RHBDF1: variants seen among roughly 807,000 people sequenced by gnomAD.
RHBDF1 encodes rhomboid 5 homolog 1.
Under a neutral mutation model 98.6 loss-of-function variants are expected in RHBDF1, and 80 were observed. The ratio of observed to expected loss-of-function variants is 0.81; its 90% CI spans 0.68 to 0.98. RHBDF1 has a LOEUF of 0.98. Ranked by LOEUF, RHBDF1 falls within the 50% of genes least tolerant of loss-of-function variation. The probability of loss-of-function intolerance (pLI) is 0.00; values close to 1 mark genes in which losing one functional copy is unlikely to be tolerated. For synonymous variants in RHBDF1, 512 were observed against 486.8 expected (o/e 1.05, Z -0.68); for missense variants, 1,116 against 1,198.3 (o/e 0.93, Z 1.01).
Position 62,275 on chromosome 16 carries a change from C to G in RHBDF1, c.954-223G>C. 3 of 718,806 alleles carry G rather than the reference C, an allele frequency of 4.2e-6. No individual in the cohort carries two copies. In the South Asian group the frequency reaches 5.8e-5, roughly 14 times the overall value. The allele number at this position is 718,806 out of a possible 1,614,324, so 44.5% of individuals were successfully genotyped here. A position where few individuals can be genotyped will look rare whatever the true frequency, so the allele number is the denominator to read the frequency against. ...GACTTCTGCAACTCAGCAAGTATCACCTCTGTCACCTCCGCCTCCCCGTTG... is the reference window on the plus strand; with the variant it reads ...GACTTCTGCAACTCAGCAAGTATCAGCTCTGTCACCTCCGCCTCCCCGTTG... On this transcript the variant is annotated intron_variant, in intron 7 of 17. Coordinates refer to ENST00000262316, the MANE Select transcript of RHBDF1 (RefSeq NM_022450.5).
At position 64,769 on chromosome 16, in the gene RHBDF1, A is replaced by T; in HGVS notation, c.178T>A (p.Ser60Thr). The T allele has an allele frequency of 1.2e-6, 2 of 1,613,946 alleles. No homozygotes were observed. Among genetic ancestry groups the T allele is most frequent in the Non-Finnish European group, 1.7e-6 (2 of 1,179,974 alleles). The change falls in exon 3 of 18, where the codon TCT becomes ACT. Residue 60 changes from serine (S) to threonine (T), a missense_variant. Transcript: ENST00000262316. ...CGCCGGAGCTCATGGTGGGGTGAAG[A>T]GATGTGGGCTGTCTCGGCTGGCATA... is the stretch of plus-strand genomic sequence containing the variant. The part of the protein sequence containing the change: ...VSMPAETAHI[S>T]SPHHELRRPV...
At chr16:65,933 A>G (rs1038894178) in intron 1 of RHBDF1, among the ~76,000 whole-genome samples, 1 of 152,228 alleles carries the variant, frequency 6.6e-6, no homozygotes, top group African/African-American at 2.4e-5. Flanking sequence ...CTACCATGAC[A>G]TGCCAGGCAC....
At chr16:64,333 C>T in intron 3 of RHBDF1, 1 of 1,353,672 alleles carries the variant, frequency 7.4e-7, no homozygotes, top group Non-Finnish European at 9.8e-7. Context: ...TATGAGATAC[C>T]TGAGCAGGGA....
At chr16:65,110 G>A in intron 1 of RHBDF1, 71 bp from the exon 2 acceptor site, 1 of 1,457,086 alleles carries the variant, frequency 6.9e-7, no homozygotes, top group Non-Finnish European at 9.1e-7. Context: ...CCAGACCCGG[G>A]AGGAGGGAGA....
chr16:73,675 C>T (rs574196266), upstream of RHBDF1, among the ~76,000 whole-genome samples: 1 of 152,298 alleles, frequency 6.6e-6, no homozygotes, highest in Admixed American at 6.5e-5. Flanking sequence ...GCAGGGATCC[C>T]TTCGTCCCAT....
chr16:58,583 C>T lies in RHBDF1; in HGVS notation c.2325G>A (p.Gly775=), dbSNP rs1333115436. Residue 775 remains glycine (G), a synonymous_variant, in exon 18 of 18, where the codon GGG becomes GGA. Transcript: ENST00000262316. Reference sequence around the variant, plus strand: ...AGGAGAGGAAGAGGCCACTGATGAACCCTGAGATGTGGGCAAAGTTGTCAA... The same window carrying T: ...AGGAGAGGAAGAGGCCACTGATGAATCCTGAGATGTGGGCAAAGTTGTCAA... ...PWIDNFAHIS[G]FISGLFLSFA... 1.9e-6 allele frequency: 3 copies of T among 1,613,864 alleles called. No homozygotes were observed. Among genetic ancestry groups the T allele is most frequent in the South Asian group, 1.1e-5 (1 of 91,088 alleles).
chr16:62,893 C>T lies in RHBDF1; in HGVS notation c.677G>A (p.Arg226His), dbSNP rs142110444. 3.5e-5 allele frequency: 57 copies of T among 1,613,724 alleles called. No homozygotes were observed. In the East Asian group the frequency reaches 4.2e-4, roughly 12 times the overall value. ...FRAAAALMKG[R>H]SVRDGTFRRA... ...GCGAAAGGTGCCATCCCTAACGGAG[C>T]GGCCCTGGGGACGGGGAAGTGAGCA... Residue 226 changes from arginine to histidine, a missense_variant, in exon 6 of 18, where the codon CGC (arginine) becomes CAC (histidine). By Grantham distance (29) the Arg-to-His change is conservative. Coordinates refer to ENST00000262316, the MANE Select transcript of RHBDF1 (RefSeq NM_022450.5).
chr16:74,322 A>G (rs1898046623), upstream of RHBDF1, among the ~76,000 whole-genome samples: 1 of 152,254 alleles, frequency 6.6e-6, no homozygotes, highest in South Asian at 2.1e-4. Flanking sequence ...CTCTCTGGAA[A>G]GCTGGGGACT....
At chr16:69,056 C>T (rs1179717455) in intron 1 of RHBDF1, among the ~76,000 whole-genome samples, 1 of 152,100 alleles carries the variant, frequency 6.6e-6, no homozygotes, top group Non-Finnish European at 1.5e-5. Context: ...GGTGGTGTAG[C>T]CTGTGGGTAC....
chr16:68,272 C>T (rs1004747666), intron 1 of RHBDF1, among the ~76,000 whole-genome samples: 3 of 152,226 alleles, frequency 2.0e-5, no homozygotes, highest in Admixed American at 1.3e-4. Context: ...TCTGCCCCAC[C>T]CCTGTGTGCC....
chr16:75,126 C>G (rs966684108), upstream of RHBDF1, among the ~76,000 whole-genome samples: 83 of 152,256 alleles, frequency 5.5e-4, no homozygotes, highest in African/African-American at 2.0e-3. Context: ...GGAGGAGCCC[C>G]CTATACGGAA....
upstream of RHBDF1, among the ~76,000 whole-genome samples, chr16:75,856 A>C (rs1325524955): frequency 6.6e-6 from 1 of 152,012 alleles, no homozygotes; most frequent in Non-Finnish European, 1.5e-5. Flanking sequence ...CCTGACACCC[A>C]CCTCAACAGC....
Position 63,657 on chromosome 16 carries a change from T to C in RHBDF1, c.392A>G (p.Asn131Ser), listed in dbSNP as rs1224362040. ...CGTCTCGGTGCTGGTCAGCGACACG[T>C]TGTCCTGGCTGGGCAGGTCCAGCTC... ...LRELDLPSQD[N>S]VSLTSTETPP... The change falls in exon 4 of 18, where the codon AAC (asparagine) becomes AGC (serine). Residue 131 changes from asparagine (N) to serine (S), a missense_variant. Asn to Ser is a conservative substitution (Grantham distance 46). Transcript: ENST00000262316. 3 of 1,609,622 alleles carry C rather than the reference T, an allele frequency of 1.9e-6. No homozygotes were observed. The highest frequency in any genetic ancestry group is 2.7e-5 in the African/African-American group (2 of 74,578).
rs1897700409 is a variant in RHBDF1, at chr16:63,018, C to T, written c.627G>A (p.Glu209=). Reference sequence around the variant, plus strand: ...CCCGGAAGCTCATCTTGGCCACCGACTCTCGCTTGCGCCGCCGCGGGAGCC... The same window carrying T: ...CCCGGAAGCTCATCTTGGCCACCGATTCTCGCTTGCGCCGCCGCGGGAGCC... ...FHRLPRRRKR[E]SVAKMSFRAA... is the part of the protein sequence containing the mutation. The change falls in exon 5 of 18, where the codon GAG becomes GAA. Residue 209 remains glutamate (E), a synonymous_variant. Transcript: ENST00000262316. The T allele has an allele frequency of 6.2e-7, 1 of 1,612,126 alleles. No individual in the cohort carries two copies. The highest frequency in any genetic ancestry group is 1.3e-5 in the African/African-American group (1 of 74,938).
At chr16:76,244 T>A (rs1567121426), upstream of RHBDF1, 1 of 152,190 alleles carries the variant, frequency 6.6e-6, no homozygotes, top group African/African-American at 2.4e-5. Flanking sequence ...CCAGGCCCCC[T>A]CCTCTCACCT....
chr16:75,580 C>T (rs12929271), upstream of RHBDF1, among the ~76,000 whole-genome samples: 1 of 152,180 alleles, frequency 6.6e-6, no homozygotes, highest in Non-Finnish European at 1.5e-5. Flanking sequence ...GAGGCAGCTG[C>T]CCCCTCCCCA....
At chr16:76,109 T>C (rs1259026737), upstream of RHBDF1, 2 of 152,302 alleles carry the variant, frequency 1.3e-5, no homozygotes, top group Non-Finnish European at 2.9e-5. Flanking sequence ...CCAGCACCAA[T>C]ACTAGCCTTC....
At chr16:68,838 C>T (rs1366529144) in intron 1 of RHBDF1, among the ~76,000 whole-genome samples, 2 of 152,184 alleles carry the variant, frequency 1.3e-5, no homozygotes, top group Non-Finnish European at 2.9e-5. Context: ...GATGTCTGGG[C>T]ACCCATCAAG....
At position 62,811 on chromosome 16, in the gene RHBDF1, A is replaced by C. The variant is rs759508417; in HGVS notation, c.759T>G (p.Asp253Glu). 1.2e-6 allele frequency: 2 copies of C among 1,614,026 alleles called. No individual in the cohort carries two copies. The highest frequency in any genetic ancestry group is 1.7e-6 in the Non-Finnish European group (2 of 1,180,008). Residue 253 changes from aspartate (D) to glutamate (E), a missense_variant, in exon 6 of 18, where the codon GAT (aspartate) becomes GAG (glutamate). Transcript: ENST00000262316. ...AGGATGTGTCCAGCTCATCGGGGAA[A>C]TCAGTTGTGTCCTCCTCCAGAAAGC... ...PASFLEEDTT[D>E]FPDELDTSFF...
Sources: allele counts gnomAD v4.1 joint callset (sites outside exome capture counted in the v4.1 genomes callset), GRCh38; gene constraint gnomAD v4.1.1; transcripts MANE v1.5; gene names NCBI Gene and HGNC (gene_info 2026-07-23, HGNC 2026-07-21).